Variants in GSE1 observed in about 807,000 individuals in gnomAD.
The protein encoded by GSE1 is Gse1 coiled-coil protein, also known as genetic suppressor element 1.
Under a neutral mutation model 112.6 loss-of-function variants are expected in GSE1, and 32 were observed. The observed-to-expected ratio is 0.28, with a 90% CI of 0.21 to 0.38. The LOEUF (loss-of-function observed/expected upper bound fraction) is 0.38. Ranked by LOEUF, GSE1 falls within the 10% of genes least tolerant of loss-of-function variation. GSE1 has a pLI of 1.00. For synonymous variants in GSE1, 1,115 were observed against 735.6 expected (o/e 1.52, Z -8.35); for missense variants, 2,348 against 1,699.2 (o/e 1.38, Z -6.71).
At chr16:85,606,899 A>G (rs964121573), upstream of GSE1, among the ~76,000 whole-genome samples, 38 of 152,194 alleles carry the variant, frequency 2.5e-4, 2 homozygotes, top group Non-Finnish European at 2.9e-5. Context: ...CTGCTCCCCC[A>G]GCCCCCTTCC....
rs965142144 is a variant in GSE1 at position 85,270,203 on chromosome 16, C to G, written c.2284-87260C>G. On this transcript the variant is annotated intron_variant, in intron 1 of 2. Coordinates refer to the GSE1 transcript ENST00000637419. ...GGGCCATCGGCTTCCTGAGCAGATC[C>G]TGGGGCTCCCACCTGCCACAGCACA... Among the ~76,000 whole-genome samples the G allele has an allele frequency of 1.7e-4, 25 of 149,070 alleles. 1 individual carries two copies. Among genetic ancestry groups the G allele is most frequent in the African/African-American group, 6.0e-4 (25 of 41,354 alleles).
chr16:85,641,466 G>A (rs1318862307), intron 2 of GSE1, among the ~76,000 whole-genome samples: 1 of 149,540 alleles, frequency 6.7e-6, no homozygotes, highest in African/African-American at 2.5e-5. Flanking sequence ...AGCCTCGTTG[G>A]TGGACGCAGG....
rs1403369562 is a variant in GSE1, at chr16:85,655,771, C to T, written c.843C>T (p.Tyr281=). The change falls in exon 6 of 16, where the codon TAC becomes TAT. Residue 281 remains tyrosine, a synonymous_variant. Coordinates refer to ENST00000253458, the MANE Select transcript of GSE1 (RefSeq NM_014615.5). ...TGTCTGCCCTGAGGTCCCCGTTCTACCCCATCCCCACCCCCGGCTCCCTGC... is the reference window on the plus strand; with the variant it reads ...TGTCTGCCCTGAGGTCCCCGTTCTATCCCATCCCCACCCCCGGCTCCCTGC... ...YCLSALRSPF[Y]PIPTPGSLPP... The T allele has an allele frequency of 1.2e-6, 2 of 1,609,686 alleles. No individual in the cohort carries two copies. Among genetic ancestry groups the T allele is most frequent in the Non-Finnish European group, 1.7e-6 (2 of 1,177,866 alleles).
At chr16:85,620,045 C>T (rs1464496843) in intron 1 of GSE1, among the ~76,000 whole-genome samples, 3 of 152,144 alleles carry the variant, frequency 2.0e-5, no homozygotes, top group African/African-American at 7.2e-5. Flanking sequence ...CCTGTAATCC[C>T]AGCACTCCAG....
chr16:85,257,031 GA>G (rs34494080), intron 1 of GSE1, among the ~76,000 whole-genome samples: 15,617 of 127,852 alleles, frequency 0.12, 2,380 homozygotes, highest in African/African-American at 0.38. Flanking sequence ...TTTGGGTGGG[GA>G]GGACATGGGA....
intron 2 of GSE1, among the ~76,000 whole-genome samples, chr16:85,459,723 G>A (rs1478623146): frequency 6.6e-6 from 1 of 152,216 alleles, no homozygotes; most frequent in Admixed American, 6.5e-5. Flanking sequence ...AGTATATTGA[G>A]GCCCTGAAAG....
intron 1 of GSE1, among the ~76,000 whole-genome samples, chr16:85,221,389 G>A (rs2075390415): frequency 6.6e-6 from 1 of 151,758 alleles, no homozygotes; most frequent in African/African-American, 2.4e-5. Context: ...ACACCCACAT[G>A]CATACACACA....
chr16:85,454,388 G>A (rs2049767734), intron 2 of GSE1, among the ~76,000 whole-genome samples: 1 of 152,252 alleles, frequency 6.6e-6, no homozygotes, highest in Non-Finnish European at 1.5e-5. Flanking sequence ...TCCAAGCCAA[G>A]GCAGAACGGC....
chr16:85,462,571 G>C (rs2049997368), intron 2 of GSE1, among the ~76,000 whole-genome samples: 1 of 151,690 alleles, frequency 6.6e-6, no homozygotes, highest in Non-Finnish European at 1.5e-5. Context: ...TGTCACGGCG[G>C]AGCCTTAATT....
chr16:85,452,933 T>C (rs4783209), intron 2 of GSE1, among the ~76,000 whole-genome samples: 149,411 of 152,310 alleles, frequency 0.98, 73,367 homozygotes, highest in East Asian at 1. Context: ...CCCCACCCTG[T>C]GGGCACTGAG....
intron 1 of GSE1, among the ~76,000 whole-genome samples, chr16:85,292,249 A>G (rs1365830516): frequency 7.2e-6 from 1 of 138,776 alleles, no homozygotes; most frequent in Admixed American, 7.4e-5. Flanking sequence ...AGCAATTCTC[A>G]TACCTCAGCC....
At chr16:85,427,621 G>A (rs540027247) in intron 2 of GSE1, among the ~76,000 whole-genome samples, 5 of 152,182 alleles carry the variant, frequency 3.3e-5, no homozygotes, top group East Asian at 3.9e-4. Context: ...CAGTCTGGGC[G>A]ACAGAGCAGC....
chr16:85,400,108 A>C (rs979753220), intron 2 of GSE1, among the ~76,000 whole-genome samples: 2 of 152,208 alleles, frequency 1.3e-5, no homozygotes, highest in African/African-American at 4.8e-5. Flanking sequence ...CTTCGCCGCC[A>C]CACCGGCCCT....
At chr16:85,542,556 C>T (rs1379451627) in intron 2 of GSE1, among the ~76,000 whole-genome samples, 4 of 152,376 alleles carry the variant, frequency 2.6e-5, no homozygotes, top group Middle Eastern at 6.8e-3. Flanking sequence ...AGCGGAGATG[C>T]TTCTGGGTTG....
At chr16:85,220,300 C>T (rs552695915) in intron 1 of GSE1, among the ~76,000 whole-genome samples, 245 of 152,298 alleles carry the variant, frequency 1.6e-3, no homozygotes, top group African/African-American at 5.6e-3. Flanking sequence ...GTCTGGTTTC[C>T]CTGCTCCTGG....
intron 2 of GSE1, among the ~76,000 whole-genome samples, chr16:85,368,515 G>C (rs1452041133): frequency 6.6e-6 from 1 of 151,614 alleles, no homozygotes; most frequent in African/African-American, 2.4e-5. Context: ...GATCAACCTG[G>C]GCAAGATAAT....
At position 85,663,534 on chromosome 16, in the gene GSE1, A is replaced by T; in HGVS notation, c.2564A>T (p.Asn855Ile). The change falls in exon 11 of 16, where the codon AAC (asparagine) becomes ATC (isoleucine). Residue 855 changes from asparagine to isoleucine, a missense_variant. Coordinates refer to ENST00000253458, the MANE Select transcript of GSE1 (RefSeq NM_014615.5). The part of the protein sequence containing the change: ...LSTRYSPDEM[N>I]NSPNFEEKKK... ...ACCCGCTACAGCCCTGATGAGATGA[A>T]CAACAGTCCCAACTTCGAAGAAAAG... 6.2e-7 allele frequency: 1 copy of T among 1,613,902 alleles called. No individual in the cohort carries two copies. The highest frequency in any genetic ancestry group is 1.6e-4 in the Middle Eastern group (1 of 6,062).
At chr16:85,186,462 G>A (rs1021692638) in intron 1 of GSE1, among the ~76,000 whole-genome samples, 1 of 152,134 alleles carries the variant, frequency 6.6e-6, no homozygotes, top group Admixed American at 6.5e-5. Flanking sequence ...AATTAACTGG[G>A]TGTGGTGGCG....
At chr16:85,427,017 C>A (rs2049009720) in intron 2 of GSE1, among the ~76,000 whole-genome samples, 1 of 152,150 alleles carries the variant, frequency 6.6e-6, no homozygotes, top group Non-Finnish European at 1.5e-5. Flanking sequence ...GGAAATGGAG[C>A]TATGAGGCTG....
Sources: allele counts gnomAD v4.1 joint callset (sites outside exome capture counted in the v4.1 genomes callset), GRCh38; gene constraint gnomAD v4.1.1; transcripts MANE v1.5; gene names NCBI Gene and HGNC (gene_info 2026-07-23, HGNC 2026-07-21).